The following NEDD9 variants were observed in gnomAD, a reference collection of about 807,000 sequenced individuals.
The protein encoded by NEDD9 is enhancer of filamentation 1.
NEDD9 carries 26 observed loss-of-function variants against 76.6 expected under a neutral mutation model. The ratio of observed to expected loss-of-function variants is 0.34; its 90% CI spans 0.25 to 0.47. The LOEUF (loss-of-function observed/expected upper bound fraction) is 0.47, where lower values mean the gene tolerates loss of function less well. NEDD9 is among the 20% of genes least tolerant of loss of function. The pLI, the probability that NEDD9 is intolerant of heterozygous loss-of-function variation, is 1.00. For missense variants in NEDD9, 937 were observed against 1,058.5 expected (o/e 0.89, Z 1.59); for synonymous variants, 392 against 414.2 (o/e 0.95, Z 0.65).
In NEDD9 at chr6:11,200,792, G is replaced by C. The variant is rs1051777253; in HGVS notation, c.460-7100C>G. ...TTGGGGTTACTGTTTTCTGCTGTTC[G>C]TATCAGTATTGGCATTATTACGGTT... On this transcript the variant is annotated intron_variant, in intron 2 of 6. Transcript: ENST00000379446. The C allele has an allele frequency of 1.5e-5, 22 of 1,432,632 alleles. No homozygotes were observed. In the East Asian group the frequency reaches 1.8e-4, roughly 12 times the overall value. 88.7% of individuals were successfully genotyped at this position (1,432,632 alleles called of 1,614,324 possible). A position where few individuals can be genotyped will look rare whatever the true frequency, so the allele number is the denominator to read the frequency against.
At chr6:11,332,312 C>A in intron 2 of NEDD9, among the ~76,000 whole-genome samples, 1 of 152,194 alleles carries the variant, frequency 6.6e-6, no homozygotes, top group East Asian at 1.9e-4. Context: ...CCATGTGGTG[C>A]AGTGAACAAT....
intron 1 of NEDD9, among the ~76,000 whole-genome samples, chr6:11,341,233 C>A (rs945876513): frequency 1.3e-5 from 2 of 152,138 alleles, no homozygotes; most frequent in African/African-American, 2.4e-5. Context: ...GGAAAATAAA[C>A]AACACCAGAC....
chr6:11,269,047 G>A (rs1327848794), intron 3 of NEDD9, among the ~76,000 whole-genome samples: 6 of 152,162 alleles, frequency 3.9e-5, no homozygotes, highest in African/African-American at 2.4e-5. Context: ...AAACCCAAAC[G>A]TTTGAGGTTA....
At chr6:11,328,382 A>T (rs1207161754) in intron 2 of NEDD9, 1 of 151,622 alleles carries the variant, frequency 6.6e-6, no homozygotes, top group East Asian at 1.9e-4. Context: ...ACAGGGTTAA[A>T]ATAATCCTGG....
At chr6:11,304,083 A>G (rs149243276) in intron 3 of NEDD9, among the ~76,000 whole-genome samples, 11,855 of 152,316 alleles carry the variant, frequency 0.078, 594 homozygotes, top group Admixed American at 0.16. Flanking sequence ...AATATTCAGA[A>G]TCTACAAAGA....
At chr6:11,230,675 G>A (rs1238283736) in intron 1 of NEDD9, among the ~76,000 whole-genome samples, 1 of 152,178 alleles carries the variant, frequency 6.6e-6, no homozygotes, top group African/African-American at 2.4e-5. Flanking sequence ...TCATGTGTTC[G>A]GTCGGAGAAG....
chr6:11,263,385 G>C (rs1411675537), intron 3 of NEDD9, among the ~76,000 whole-genome samples: 1 of 152,142 alleles, frequency 6.6e-6, no homozygotes, highest in Non-Finnish European at 1.5e-5. Flanking sequence ...AACCTCCAAG[G>C]ACTCTGCATA....
At chr6:11,365,939 C>T (rs999744347) in intron 1 of NEDD9, among the ~76,000 whole-genome samples, 2 of 151,820 alleles carry the variant, frequency 1.3e-5, no homozygotes, top group East Asian at 1.9e-4. Flanking sequence ...TGCCGTGAGC[C>T]GAGATTGTGC....
intron 1 of NEDD9, among the ~76,000 whole-genome samples, chr6:11,228,058 C>G (rs1759357221): frequency 8.4e-6 from 1 of 119,128 alleles, no homozygotes; most frequent in South Asian, 2.9e-4. Context: ...AGTGTCACAT[C>G]TGTGTGTGGG....
At chr6:11,350,759 T>G (rs1358504333) in intron 1 of NEDD9, among the ~76,000 whole-genome samples, 1 of 152,144 alleles carries the variant, frequency 6.6e-6, no homozygotes, top group African/African-American at 2.4e-5. Context: ...GCCCTGCCGC[T>G]GACCTCACAG....
At chr6:11,236,663 G>A (rs960986884), upstream of NEDD9, among the ~76,000 whole-genome samples, 2 of 152,174 alleles carry the variant, frequency 1.3e-5, no homozygotes, top group African/African-American at 4.8e-5. The surrounding 1 kb of genome is among the most constrained non-coding windows in gnomAD (Gnocchi z 5.5). Context: ...TGGTGGTGAG[G>A]TCAGGCCCCT....
chr6:11,251,189 A>G (rs1400893443), intron 3 of NEDD9: 5 of 152,230 alleles, frequency 3.3e-5, no homozygotes, highest in Non-Finnish European at 7.3e-5. Flanking sequence ...AATGTAACCA[A>G]TAGGGTCAAC....
At chr6:11,316,518 C>T (rs544418119) in intron 2 of NEDD9, among the ~76,000 whole-genome samples, 2 of 152,330 alleles carry the variant, frequency 1.3e-5, no homozygotes, top group South Asian at 4.1e-4. Context: ...CACAGTCTCT[C>T]TCCTGGACTG....
At chr6:11,196,501 C>T (rs532489942) in intron 2 of NEDD9, among the ~76,000 whole-genome samples, 12 of 152,258 alleles carry the variant, frequency 7.9e-5, no homozygotes, top group Non-Finnish European at 1.3e-4. Flanking sequence ...TAATGCTTCC[C>T]GGTATTTAAC....
chr6:11,284,724 T>TA (rs199509664), intron 3 of NEDD9, among the ~76,000 whole-genome samples: 2,629 of 151,252 alleles, frequency 0.017, 72 homozygotes, highest in African/African-American at 0.058. Flanking sequence ...GGATACTCAT[T>TA]TGTTCCAAAT....
intron 1 of NEDD9, among the ~76,000 whole-genome samples, chr6:11,351,693 C>G (rs1762472691): frequency 6.6e-6 from 1 of 152,224 alleles, no homozygotes; most frequent in Non-Finnish European, 1.5e-5. Flanking sequence ...TCGGTCATGC[C>G]TCTCCATGAC....
chr6:11,266,739 A>G (rs1760209075), intron 3 of NEDD9, among the ~76,000 whole-genome samples: 1 of 152,216 alleles, frequency 6.6e-6, no homozygotes, highest in Admixed American at 6.5e-5. Context: ...GTAGTTTCCA[A>G]TGGTACCTTC....
At chr6:11,236,759 G>T (rs1407183888), upstream of NEDD9, among the ~76,000 whole-genome samples, 1 of 152,118 alleles carries the variant, frequency 6.6e-6, no homozygotes, top group Non-Finnish European at 1.5e-5. The surrounding 1 kb of genome is among the most constrained non-coding windows in gnomAD (Gnocchi z 5.5). Flanking sequence ...CTTCCACGTT[G>T]CTCACTACGT....
intron 2 of NEDD9, among the ~76,000 whole-genome samples, chr6:11,332,001 C>A (rs1762048397): frequency 6.6e-6 from 1 of 152,122 alleles, no homozygotes; most frequent in Non-Finnish European, 1.5e-5. Flanking sequence ...ATTGGGTCAA[C>A]AAACATGAAA....
Sources: gnomAD v4.1 joint callset for allele counts (sites outside exome capture counted in the v4.1 genomes callset) on GRCh38, gnomAD v4.1.1 for gene constraint, Gnocchi (gnomAD v3.1) non-coding constraint, MANE v1.5 for transcripts, NCBI Gene and HGNC (gene_info 2026-07-23, HGNC 2026-07-21) for gene names.